The following KCNQ5 variants were observed in gnomAD, a reference collection of about 807,000 sequenced individuals.
The protein encoded by KCNQ5 is potassium voltage-gated channel subfamily KQT member 5.
In KCNQ5, 30 loss-of-function variants were observed where a neutral mutation model predicts 98.2. The observed-to-expected ratio is 0.31, with a 90% confidence interval of 0.23 to 0.41. KCNQ5 has a LOEUF of 0.41. Ranked by LOEUF, KCNQ5 falls within the 10% of genes least tolerant of loss-of-function variation. The pLI is 1.00. For missense variants in KCNQ5, 835 were observed against 1,182.5 expected, an observed-to-expected ratio of 0.71 and a Z score of 4.31; for synonymous variants, 458 against 449.4, an observed-to-expected ratio of 1.02 and a Z score of -0.24.
intron 11 of KCNQ5, among the ~76,000 whole-genome samples, chr6:73,190,257 T>C (rs1229729239): frequency 2.0e-5 from 3 of 152,210 alleles, no homozygotes; most frequent in Admixed American, 1.3e-4. Context: ...TTCTGGAGAT[T>C]GCATGGAAAA....
chr6:72,972,885 G>A (rs1354046084), intron 1 of KCNQ5, among the ~76,000 whole-genome samples: 5 of 152,150 alleles, frequency 3.3e-5, no homozygotes, highest in Admixed American at 1.3e-4. Flanking sequence ...TCTACACACA[G>A]CATGTATTAG....
intron 5 of KCNQ5, among the ~76,000 whole-genome samples, chr6:73,095,368 G>A (rs1935532): frequency 0.88 from 133,708 of 152,156 alleles, 59,290 homozygotes; most frequent in South Asian, 0.96. Context: ...GGCTTCACAT[G>A]TCTCTGGTGC....
At chr6:72,687,039 C>A (rs564527877) in intron 1 of KCNQ5, among the ~76,000 whole-genome samples, 2 of 152,022 alleles carry the variant, frequency 1.3e-5, no homozygotes, top group Admixed American at 1.3e-4. Flanking sequence ...TATTTTAGGA[C>A]AGTTCTTAAC....
intron 1 of KCNQ5, among the ~76,000 whole-genome samples, chr6:72,827,761 T>C (rs1436497307): frequency 6.6e-6 from 1 of 152,146 alleles, no homozygotes; most frequent in Non-Finnish European, 1.5e-5. Context: ...TTTTTGCTTT[T>C]GTTTCCTGTG....
chr6:73,051,626 T>C (rs749910274), intron 3 of KCNQ5, among the ~76,000 whole-genome samples: 1 of 144,844 alleles, frequency 6.9e-6, no homozygotes, highest in African/African-American at 2.6e-5. Flanking sequence ...CCCCCTAAAT[T>C]CTTCCAGAAA....
chr6:72,869,876 G>A (rs1778136681), intron 1 of KCNQ5, among the ~76,000 whole-genome samples: 1 of 152,206 alleles, frequency 6.6e-6, no homozygotes, highest in Non-Finnish European at 1.5e-5. Context: ...TGCGATGAGG[G>A]TCAAAGAGAA....
At chr6:72,865,451 G>GA (rs1777939691) in intron 1 of KCNQ5, among the ~76,000 whole-genome samples, 1 of 151,950 alleles carries the variant, frequency 6.6e-6, no homozygotes, top group Admixed American at 6.6e-5. Flanking sequence ...ACAGAATATC[G>GA]AACCTATCTC....
chr6:72,966,543 C>T (rs556604287), intron 1 of KCNQ5, among the ~76,000 whole-genome samples: 7 of 151,216 alleles, frequency 4.6e-5, no homozygotes, highest in South Asian at 4.2e-4. Flanking sequence ...ACTTCAGCCT[C>T]GGTGACAAGA....
intron 1 of KCNQ5, among the ~76,000 whole-genome samples, chr6:72,729,316 G>C (rs1284905668): frequency 2.0e-5 from 3 of 152,128 alleles, no homozygotes; most frequent in South Asian, 2.1e-4. Flanking sequence ...GTTTTGTTTT[G>C]TTTTTCTGTC....
chr6:72,698,193 T>A (rs1000824004), intron 1 of KCNQ5, among the ~76,000 whole-genome samples: 1 of 152,158 alleles, frequency 6.6e-6, no homozygotes, highest in African/African-American at 2.4e-5. Flanking sequence ...TAAAAATGAA[T>A]GTATTTAGAC....
intron 7 of KCNQ5, among the ~76,000 whole-genome samples, chr6:73,111,994 A>G (rs1775260569): frequency 6.6e-6 from 1 of 152,214 alleles, no homozygotes; most frequent in Admixed American, 6.5e-5. Flanking sequence ...CTCCTAATAC[A>G]TAGGTTGTTA....
chr6:72,668,270 A>G (rs1766928375), intron 1 of KCNQ5, among the ~76,000 whole-genome samples: 1 of 152,240 alleles, frequency 6.6e-6, no homozygotes, highest in Non-Finnish European at 1.5e-5. Flanking sequence ...CCAAATCAAT[A>G]TAATTCAACT....
intron 2 of KCNQ5, among the ~76,000 whole-genome samples, chr6:73,034,453 T>C (rs544839236): frequency 1.3e-5 from 2 of 152,342 alleles, no homozygotes; most frequent in African/African-American, 4.8e-5. Context: ...AAAATGCTAT[T>C]TGATGGCATA....
intron 1 of KCNQ5, among the ~76,000 whole-genome samples, chr6:72,837,490 A>G (rs1776555933): frequency 6.6e-6 from 1 of 152,194 alleles, no homozygotes; most frequent in Admixed American, 6.5e-5. Flanking sequence ...AATGTCAGAG[A>G]AACTTGTAAT....
At chr6:73,032,630 T>C (rs1201597710) in intron 2 of KCNQ5, among the ~76,000 whole-genome samples, 3 of 152,202 alleles carry the variant, frequency 2.0e-5, no homozygotes, top group African/African-American at 7.2e-5. Context: ...GATTCTAAGT[T>C]GCACTGGTTA....
intron 1 of KCNQ5, among the ~76,000 whole-genome samples, chr6:72,637,012 G>A (rs963361001): frequency 6.6e-6 from 1 of 151,480 alleles, no homozygotes; most frequent in South Asian, 2.1e-4. Flanking sequence ...TTCTGCTCAG[G>A]GCATTCCCAC....
chr6:73,193,128 C>T (rs1208810938), intron 13 of KCNQ5, among the ~76,000 whole-genome samples: 3 of 148,848 alleles, frequency 2.0e-5, no homozygotes, highest in African/African-American at 7.5e-5. Context: ...TCAAGTGATT[C>T]TCGTGCCTCA....
intron 3 of KCNQ5, among the ~76,000 whole-genome samples, chr6:73,046,174 T>C (rs73753232): frequency 8.2e-4 from 125 of 152,304 alleles, no homozygotes; most frequent in African/African-American, 2.9e-3. Flanking sequence ...TAAATTGATT[T>C]TGAGACATCA....
At chr6:73,124,950 T>TAG (rs1562193263) in intron 9 of KCNQ5, among the ~76,000 whole-genome samples, 1 of 11,360 alleles carries the variant, frequency 8.8e-5, no homozygotes, top group Non-Finnish European at 2.3e-4. Flanking sequence ...TATATATATA[T>TAG]ATATATATAT....
Sources: allele counts gnomAD v4.1 joint callset (sites outside exome capture counted in the v4.1 genomes callset), GRCh38; gene constraint gnomAD v4.1.1; transcripts MANE v1.5; gene names NCBI Gene and HGNC (gene_info 2026-07-23, HGNC 2026-07-21).